SLCO1B3: variants seen among roughly 807,000 people sequenced by gnomAD.
The protein encoded by SLCO1B3 is liver-specific organic anion transporter 2.
Under a neutral mutation model 71.8 loss-of-function variants are expected in SLCO1B3, and 72 were observed. The ratio of observed to expected loss-of-function variants is 1.00; its 90% CI spans 0.83 to 1.22. The LOEUF (loss-of-function observed/expected upper bound fraction) is 1.22. Among genes scored for constraint, SLCO1B3 ranks in the 50% most tolerant of loss-of-function variants. SLCO1B3 has a pLI of 0.00. For synonymous variants in SLCO1B3, 298 were observed against 278.4 expected (o/e 1.07, Z -0.70); for missense variants, 911 against 819.7 (o/e 1.11, Z -1.36).
At chr12:20,898,107 T>G (rs1218960735) in intron 13 of SLCO1B3, among the ~76,000 whole-genome samples, 1 of 152,314 alleles carries the variant, frequency 6.6e-6, no homozygotes, top group Admixed American at 6.5e-5. Context: ...CTTGACTAAA[T>G]AGTCCACACA....
At chr12:20,814,705 A>G (rs1196687164) in intron 2 of SLCO1B3, among the ~76,000 whole-genome samples, 1 of 152,104 alleles carries the variant, frequency 6.6e-6, no homozygotes, top group Non-Finnish European at 1.5e-5. Flanking sequence ...GCTGGCTAAC[A>G]CGGTGAAACC....
At chr12:20,893,692 G>A (rs1865948010) in intron 13 of SLCO1B3, among the ~76,000 whole-genome samples, 1 of 152,162 alleles carries the variant, frequency 6.6e-6, no homozygotes, top group African/African-American at 2.4e-5. Context: ...TAACAAATAT[G>A]AGTTTCCCTG....
chr12:20,822,672 A>C (rs558224039), intron 3 of SLCO1B3, among the ~76,000 whole-genome samples: 1 of 152,196 alleles, frequency 6.6e-6, no homozygotes, highest in Admixed American at 6.5e-5. Context: ...AAAAACTAGC[A>C]GGTAAGGGAA....
At chr12:20,832,413 A>T (rs994629751) in intron 3 of SLCO1B3, among the ~76,000 whole-genome samples, 5 of 152,042 alleles carry the variant, frequency 3.3e-5, no homozygotes, top group African/African-American at 1.2e-4. Flanking sequence ...ATACTTCTTC[A>T]TTACACTTGT....
intron 3 of SLCO1B3, among the ~76,000 whole-genome samples, chr12:20,838,789 G>A (rs1461506246): frequency 2.0e-5 from 3 of 151,976 alleles, no homozygotes; most frequent in African/African-American, 4.8e-5. Context: ...TCATCATGTG[G>A]TACATGATTG....
chr12:20,839,168 ATAT>A (rs1180261709), intron 3 of SLCO1B3, among the ~76,000 whole-genome samples: 1 of 151,922 alleles, frequency 6.6e-6, no homozygotes, highest in African/African-American at 2.4e-5. Context: ...TACATTATAG[ATAT>A]TATTATTTTG....
intron 15 of SLCO1B3, among the ~76,000 whole-genome samples, chr12:20,910,261 G>A (rs1419570942): frequency 6.6e-6 from 1 of 152,080 alleles, no homozygotes; most frequent in Admixed American, 6.5e-5. Flanking sequence ...TCCATTGACT[G>A]TATTTAAGTG....
chr12:20,884,859 T>C (rs1865762494), intron 13 of SLCO1B3, among the ~76,000 whole-genome samples: 2 of 152,046 alleles, frequency 1.3e-5, no homozygotes, highest in African/African-American at 4.8e-5. Flanking sequence ...AGTTGTTAAA[T>C]TTTCACCCTG....
At chr12:20,845,546 C>A (rs1864899353) in intron 3 of SLCO1B3, among the ~76,000 whole-genome samples, 2 of 151,988 alleles carry the variant, frequency 1.3e-5, no homozygotes, top group African/African-American at 2.4e-5. Context: ...TTTACAAGGA[C>A]CTCAGAACTA....
chr12:20,850,256 T>TTTTTTTTATTTATTTA (rs1555154813), intron 3 of SLCO1B3, among the ~76,000 whole-genome samples: 18 of 143,040 alleles, frequency 1.3e-4, no homozygotes, highest in South Asian at 6.5e-4. Context: ...ATTATTATTA[T>TTTTTTTTATTTATTTA]TTTATTTATT....
chr12:20,911,057 CA>C (rs1328943901), intron 15 of SLCO1B3, among the ~76,000 whole-genome samples: 2 of 151,894 alleles, frequency 1.3e-5, no homozygotes, highest in Non-Finnish European at 2.9e-5. Flanking sequence ...AGTTCTTCAC[CA>C]TCAAGTAAAA....
intron 13 of SLCO1B3, among the ~76,000 whole-genome samples, chr12:20,897,426 T>C (rs1178753641): frequency 6.6e-6 from 1 of 152,196 alleles, no homozygotes; most frequent in Non-Finnish European, 1.5e-5. Flanking sequence ...GTTGGATTCT[T>C]ATAACATATG....
intron 14 of SLCO1B3, among the ~76,000 whole-genome samples, chr12:20,900,121 AT>A (rs4149168): frequency 2.6e-5 from 4 of 151,628 alleles, no homozygotes; most frequent in East Asian, 1.9e-4. Flanking sequence ...GTTGGCATCT[AT>A]TTTTTTTTAT....
At position 20,916,141 on chromosome 12, in the gene SLCO1B3, A is replaced by G; in HGVS notation, c.2003A>G (p.Glu668Gly). ...ASDNERKVMD[E>G]ANLEFLNNGE... The stretch of plus-strand genomic sequence containing the variant: ...GACAATGAAAGAAAAGTAATGGATG[A>G]AGCAAACTTAGAATTCTTAAATAAT... The change falls in exon 16 of 16, where the codon GAA (glutamate) becomes GGA (glycine). Residue 668 changes from glutamate (E) to glycine (G), a missense_variant. Transcript: ENST00000381545. 1 of 1,613,500 alleles carries G rather than the reference A, an allele frequency of 6.2e-7. No homozygotes were observed. Among genetic ancestry groups the G allele is most frequent in the Non-Finnish European group, 8.5e-7 (1 of 1,179,578 alleles).
In SLCO1B3 at chr12:20,916,301, G is replaced by T; in HGVS notation, c.*54G>T. 1 of 1,538,478 alleles carries T rather than the reference G, an allele frequency of 6.5e-7. No individual in the cohort carries two copies. The highest frequency in any genetic ancestry group is 8.9e-7 in the Non-Finnish European group (1 of 1,127,280). ...TTTGAGGTGTTCCTGGTCTTTCACTGACAATTCCAACATTCTTTACTTACA... is the reference window on the plus strand; with the variant it reads ...TTTGAGGTGTTCCTGGTCTTTCACTTACAATTCCAACATTCTTTACTTACA... On this transcript the variant is annotated 3_prime_UTR_variant, in exon 16 of 16. Coordinates refer to ENST00000381545, the MANE Select transcript of SLCO1B3 (RefSeq NM_019844.4).
At chr12:20,908,019 A>G (rs1866289884) in intron 15 of SLCO1B3, among the ~76,000 whole-genome samples, 1 of 152,202 alleles carries the variant, frequency 6.6e-6, no homozygotes, top group African/African-American at 2.4e-5. Context: ...TAGTTATGTT[A>G]GTTTCAGTAT....
intron 3 of SLCO1B3, among the ~76,000 whole-genome samples, chr12:20,839,552 G>A (rs534591944): frequency 4.6e-5 from 7 of 152,142 alleles, no homozygotes; most frequent in African/African-American, 1.4e-4. Context: ...GTAAGGATAG[G>A]TATTTTATTT....
At chr12:20,813,307 C>T (rs779772435) in intron 1 of SLCO1B3, among the ~76,000 whole-genome samples, 2 of 152,092 alleles carry the variant, frequency 1.3e-5, no homozygotes, top group Non-Finnish European at 2.9e-5. Context: ...TTCACAGATT[C>T]TATATTAGAA....
intron 13 of SLCO1B3, among the ~76,000 whole-genome samples, chr12:20,897,476 T>C: frequency 6.6e-6 from 1 of 152,164 alleles, no homozygotes; most frequent in East Asian, 1.9e-4. Context: ...ACAAGGAAAC[T>C]GAGGCTAAGA....
Sources: allele counts gnomAD v4.1 joint callset (sites outside exome capture counted in the v4.1 genomes callset), GRCh38; gene constraint gnomAD v4.1.1; transcripts MANE v1.5; gene names NCBI Gene and HGNC (gene_info 2026-07-23, HGNC 2026-07-21).